The following MTMR12 variants were observed in gnomAD, a reference collection of about 807,000 sequenced individuals.
MTMR12 encodes the protein myotubularin related protein 12.
MTMR12 carries 33 observed loss-of-function variants against 96.7 expected under a neutral mutation model. The observed-to-expected ratio is 0.34, with a 90% confidence interval of 0.26 to 0.46. MTMR12 has a LOEUF of 0.46. Among genes scored for constraint, MTMR12 ranks in the 20% least tolerant of loss-of-function variants. The probability of loss-of-function intolerance (pLI) is 1.00; values close to 1 mark genes in which losing one functional copy is unlikely to be tolerated. For missense variants in MTMR12, 721 were observed against 896.1 expected (o/e 0.80, Z 2.49); for synonymous variants, 298 against 327.2 (o/e 0.91, Z 0.96).
intron 12 of MTMR12, among the ~76,000 whole-genome samples, chr5:32,241,648 T>A (rs941958086): frequency 2.9e-4 from 44 of 152,154 alleles, no homozygotes; most frequent in African/African-American, 1.1e-3. Context: ...CCACCAAGTT[T>A]CTATGGTAAC....
rs191649606 is a variant in MTMR12 at position 32,290,052 on chromosome 5, C to T, written c.82-13310G>A. On this transcript the variant is annotated intron_variant, in intron 1 of 15. Coordinates refer to ENST00000382142, the MANE Select transcript of MTMR12 (RefSeq NM_001040446.3). Reference sequence around the variant, plus strand: ...GGTGACTCCAGTTGCAGCTGCTGTACCAAATGTGGTTTCATTGCTTTAGCA... The same window carrying T: ...GGTGACTCCAGTTGCAGCTGCTGTATCAAATGTGGTTTCATTGCTTTAGCA... 1.8e-3 allele frequency among the ~76,000 whole-genome samples: 268 copies of T among 152,318 alleles called. 1 individual carries two copies. Among genetic ancestry groups the T allele is most frequent in the African/African-American group, 6.3e-3 (262 of 41,566 alleles).
chr5:32,270,145 T>C (rs773550540), intron 5 of MTMR12, among the ~76,000 whole-genome samples: 1 of 151,666 alleles, frequency 6.6e-6, no homozygotes, highest in Non-Finnish European at 1.5e-5. Flanking sequence ...AATATCTTAG[T>C]AAGAGAAATC....
Position 32,263,157 on chromosome 5 carries a change from C to A in MTMR12, c.669G>T (p.Lys223Asn). The change falls in exon 7 of 16, where the codon AAG becomes AAT. Residue 223 changes from lysine to asparagine, a missense_variant. Lys to Asn is a moderately conservative substitution (Grantham distance 94, BLOSUM62 0). Coordinates refer to ENST00000382142, the MANE Select transcript of MTMR12 (RefSeq NM_001040446.3). ...WELERTKGNM[K>N]YKAVSVNEGY... ...CTTCGTTGACACTCACTGCTTTGTACTTCATGTTGCCTTTGGTCCGTTCCA... is the reference window on the plus strand; with the variant it reads ...CTTCGTTGACACTCACTGCTTTGTAATTCATGTTGCCTTTGGTCCGTTCCA... The A allele has an allele frequency of 6.2e-7, 1 of 1,614,218 alleles. No individual in the cohort carries two copies. The highest frequency in any genetic ancestry group is 1.3e-5 in the African/African-American group (1 of 75,066).
intron 1 of MTMR12, among the ~76,000 whole-genome samples, chr5:32,302,553 C>A (rs751252802): frequency 2.0e-5 from 3 of 151,970 alleles, no homozygotes; most frequent in African/African-American, 4.8e-5. Flanking sequence ...CCCGTCTCCA[C>A]CAAAAATACA....
intron 8 of MTMR12, among the ~76,000 whole-genome samples, chr5:32,255,447 G>A (rs1749099627): frequency 6.6e-6 from 1 of 152,196 alleles, no homozygotes; most frequent in African/African-American, 2.4e-5. Context: ...ACACCAGACA[G>A]ATCTATGATC....
At chr5:32,246,151 G>A (rs556863097) in intron 10 of MTMR12, among the ~76,000 whole-genome samples, 8 of 143,462 alleles carry the variant, frequency 5.6e-5, no homozygotes, top group Admixed American at 2.1e-4. Flanking sequence ...CAATGGTTTC[G>A]GTGCCTATTG....
intron 1 of MTMR12, among the ~76,000 whole-genome samples, chr5:32,299,299 CA>C (rs752314019): frequency 1.4e-4 from 22 of 152,136 alleles, no homozygotes; most frequent in Non-Finnish European, 2.9e-4. Context: ...ACACCCAGCC[CA>C]AATTCACCAT....
intron 3 of MTMR12, among the ~76,000 whole-genome samples, chr5:32,272,124 T>C (rs1340609129): frequency 6.6e-6 from 1 of 151,886 alleles, no homozygotes; most frequent in Non-Finnish European, 1.5e-5. Flanking sequence ...ACCCCATCTC[T>C]ACTAAAAATA....
chr5:32,252,414 A>C (rs1748968130), intron 8 of MTMR12, among the ~76,000 whole-genome samples: 1 of 152,244 alleles, frequency 6.6e-6, no homozygotes, highest in African/African-American at 2.4e-5. Flanking sequence ...GACTGTTCAT[A>C]ATCTAGCCCC....
At chr5:32,280,965 C>T (rs572392672) in intron 1 of MTMR12, among the ~76,000 whole-genome samples, 1 of 151,754 alleles carries the variant, frequency 6.6e-6, no homozygotes, top group Non-Finnish European at 1.5e-5. Context: ...AAGAATCTCT[C>T]GGCAGGGTGT....
Position 32,229,870 on chromosome 5 carries a change from G to A in MTMR12, c.2152C>T (p.Pro718Ser). ...TTCCAGCCACTGGTGGGTAAGACGG[G>A]CTTAGAGGAATGTCGCTGGAGCAGA... ...FALLQRHSSK[P>S]VLPTSGWKAL... The change falls in exon 16 of 16, where the codon CCC becomes TCC. Residue 718 changes from proline (P) to serine (S), a missense_variant. By Grantham distance (74) the Pro-to-Ser change is moderately conservative. Coordinates refer to ENST00000382142, the MANE Select transcript of MTMR12 (RefSeq NM_001040446.3). The A allele has an allele frequency of 1.9e-6, 3 of 1,611,404 alleles. No homozygotes were observed. The highest frequency in any genetic ancestry group is 2.5e-6 in the Non-Finnish European group (3 of 1,178,628).
chr5:32,299,074 C>G (rs976852374), intron 1 of MTMR12, among the ~76,000 whole-genome samples: 2 of 151,802 alleles, frequency 1.3e-5, no homozygotes, highest in Non-Finnish European at 2.9e-5. Flanking sequence ...CACACATACA[C>G]ATACACACAC....
At chr5:32,259,345 GGTTT>G (rs954979509) in intron 7 of MTMR12, among the ~76,000 whole-genome samples, 1 of 152,182 alleles carries the variant, frequency 6.6e-6, no homozygotes, top group African/African-American at 2.4e-5. Context: ...ATGGGAGAAA[GGTTT>G]GTTAGGAGGA....
At chr5:32,284,200 C>A in intron 1 of MTMR12, among the ~76,000 whole-genome samples, 1 of 150,058 alleles carries the variant, frequency 6.7e-6, no homozygotes, top group African/African-American at 2.5e-5. Flanking sequence ...TGCCTGTAGT[C>A]CCAGTTACTC....
chr5:32,255,582 T>C, intron 8 of MTMR12, 111 bp downstream of exon 8: 1 of 1,010,090 alleles, frequency 9.9e-7, no homozygotes, highest in Non-Finnish European at 1.4e-6. Flanking sequence ...TGGATTGTTC[T>C]TGGACTGAAA....
At chr5:32,241,693 A>G (rs1261779936) in intron 12 of MTMR12, among the ~76,000 whole-genome samples, 4 of 152,264 alleles carry the variant, frequency 2.6e-5, no homozygotes, top group Non-Finnish European at 5.9e-5. Context: ...ATATAAAAAT[A>G]ACAACCAAGT....
At chr5:32,306,116 G>C (rs1751353000) in intron 1 of MTMR12, among the ~76,000 whole-genome samples, 1 of 151,926 alleles carries the variant, frequency 6.6e-6, no homozygotes, top group African/African-American at 2.4e-5. Flanking sequence ...GTGTACAAAG[G>C]CTAATCATGA....
chr5:32,297,615 T>G (rs990794388), intron 1 of MTMR12, among the ~76,000 whole-genome samples: 1 of 149,188 alleles, frequency 6.7e-6, no homozygotes, highest in Non-Finnish European at 1.5e-5. Context: ...AATTCCTCAC[T>G]CTGTTTTGAC....
intron 1 of MTMR12, among the ~76,000 whole-genome samples, chr5:32,304,448 A>G (rs1751277802): frequency 6.6e-6 from 1 of 152,236 alleles, no homozygotes; most frequent in African/African-American, 2.4e-5. Context: ...TTATTTTTCT[A>G]ACTTCCAAAC....
Sources: gnomAD v4.1 joint callset for allele counts (sites outside exome capture counted in the v4.1 genomes callset) on GRCh38, gnomAD v4.1.1 for gene constraint, MANE v1.5 for transcripts, NCBI Gene and HGNC (gene_info 2026-07-23, HGNC 2026-07-21) for gene names.